Variants in PTPN3 observed in about 807,000 individuals in gnomAD.
PTPN3 encodes the protein protein tyrosine phosphatase non-receptor type 3, also known as tyrosine-protein phosphatase non-receptor type 3.
Under a neutral mutation model 132.7 loss-of-function variants are expected in PTPN3, and 96 were observed. The ratio of observed to expected loss-of-function variants is 0.72; its 90% CI spans 0.61 to 0.86. The LOEUF (loss-of-function observed/expected upper bound fraction) is 0.86, where lower values mean the gene tolerates loss of function less well. PTPN3 is among the 40% of genes least tolerant of loss of function. The probability of loss-of-function intolerance (pLI) is 0.00; values close to 1 mark genes in which losing one functional copy is unlikely to be tolerated. For synonymous variants in PTPN3, 398 were observed against 429.0 expected, an observed-to-expected ratio of 0.93 and a Z score of 0.89; for missense variants, 1,125 against 1,159.6, an observed-to-expected ratio of 0.97 and a Z score of 0.43.
the PTPN3 span, among the ~76,000 whole-genome samples, chr9:109,510,280 T>C: frequency 6.6e-6 from 1 of 151,910 alleles, no homozygotes; most frequent in Non-Finnish European, 1.5e-5. Flanking sequence ...ATGTAACAGC[T>C]GGGCGTGGTG....
At chr9:109,483,350 C>A (rs1371745405) in intron 1 of PTPN3, among the ~76,000 whole-genome samples, 1 of 152,242 alleles carries the variant, frequency 6.6e-6, no homozygotes, top group Admixed American at 6.5e-5. Flanking sequence ...CTTTTGATCA[C>A]AGGCTTTACT....
intron 14 of PTPN3, among the ~76,000 whole-genome samples, chr9:109,418,276 A>G (rs1367708588): frequency 6.6e-6 from 1 of 152,238 alleles, no homozygotes; most frequent in Non-Finnish European, 1.5e-5. Flanking sequence ...ATGACCAGCC[A>G]AGGATGTATA....
intron 9 of PTPN3, among the ~76,000 whole-genome samples, chr9:109,433,916 T>TAAA (rs1170933792): frequency 3.1e-5 from 3 of 98,274 alleles, no homozygotes; most frequent in East Asian, 3.4e-4. Flanking sequence ...AGACTCTGTT[T>TAAA]AAAAAAAAAA....
Position 109,433,079 on chromosome 9 carries a change from T to C in PTPN3, c.758A>G (p.Tyr253Cys). The C allele has an allele frequency of 1.2e-6, 2 of 1,614,092 alleles. No homozygotes were observed. Among genetic ancestry groups the C allele is most frequent in the Non-Finnish European group, 1.7e-6 (2 of 1,179,976 alleles). Residue 253 changes from tyrosine (Y) to cysteine (C), a missense_variant, in exon 10 of 26, where the codon TAT (tyrosine) becomes TGT (cysteine). By Grantham distance (194) the Tyr-to-Cys change is radical. Transcript: ENST00000374541. ...GAGAACTGTTTGCACTTACCAAGGATAGAAACTTGTGCAAATGTATTTTCG... is the reference window on the plus strand; with the variant it reads ...GAGAACTGTTTGCACTTACCAAGGACAGAAACTTGTGCAAATGTATTTTCG... ...VYRKYICTSF[Y>C]PWVNILKISF...
chr9:109,505,614 T>TGG, the PTPN3 span, among the ~76,000 whole-genome samples: 3 of 152,106 alleles, frequency 2.0e-5, no homozygotes, highest in African/African-American at 7.2e-5. Flanking sequence ...TTTTATTAAC[T>TGG]TCTGTCCTAT....
the PTPN3 span, among the ~76,000 whole-genome samples, chr9:109,516,801 A>C: frequency 1.3e-5 from 2 of 152,220 alleles, no homozygotes; most frequent in East Asian, 3.9e-4. Flanking sequence ...GCTGGTGGAA[A>C]ACAAGAGAAG....
intron 1 of PTPN3, among the ~76,000 whole-genome samples, chr9:109,485,170 A>G (rs1847148330): frequency 6.6e-6 from 1 of 152,058 alleles, no homozygotes; most frequent in Admixed American, 6.5e-5. Flanking sequence ...TGGAGGTTGC[A>G]GTGAGCTAGC....
intron 10 of PTPN3, among the ~76,000 whole-genome samples, chr9:109,431,626 A>T (rs919233551): frequency 6.6e-6 from 1 of 152,266 alleles, no homozygotes; most frequent in African/African-American, 2.4e-5. Context: ...TCAGTGTCAA[A>T]TTGAACAGGG....
chr9:109,391,870 TGGG>T (rs367927103), intron 19 of PTPN3, among the ~76,000 whole-genome samples: 2 of 29,454 alleles, frequency 6.8e-5, no homozygotes, highest in Non-Finnish European at 1.1e-4. Flanking sequence ...CAACTAGATG[TGGG>T]GGGGGGGGGG....
chr9:109,512,011 G>A, the PTPN3 span, among the ~76,000 whole-genome samples: 1 of 152,114 alleles, frequency 6.6e-6, no homozygotes, highest in Non-Finnish European at 1.5e-5. Context: ...TTTAAAATAT[G>A]CCCACCTCTG....
At chr9:109,416,856 C>G (rs890482264) in intron 14 of PTPN3, among the ~76,000 whole-genome samples, 7 of 152,204 alleles carry the variant, frequency 4.6e-5, no homozygotes, top group African/African-American at 1.7e-4. Flanking sequence ...CATGAAGCCC[C>G]ATCCACTCGG....
intron 1 of PTPN3, among the ~76,000 whole-genome samples, chr9:109,484,943 T>C (rs765005822): frequency 7.2e-5 from 11 of 152,096 alleles, no homozygotes; most frequent in Non-Finnish European, 1.5e-4. Flanking sequence ...TCAAGAGTCA[T>C]ATAAGGCCAG....
chr9:109,420,032 T>G (rs887624842), intron 14 of PTPN3, among the ~76,000 whole-genome samples: 2 of 152,228 alleles, frequency 1.3e-5, no homozygotes, highest in Non-Finnish European at 2.9e-5. Flanking sequence ...TCCAATGATT[T>G]GAAATCATGT....
chr9:109,457,087 T>C, intron 4 of PTPN3, 86 bp downstream of exon 4: 1 of 1,396,276 alleles, frequency 7.2e-7, no homozygotes, highest in East Asian at 2.3e-5. Flanking sequence ...GTACCAGATG[T>C]CACAGGCACT....
rs1202211070 is a variant in PTPN3, at chr9:109,498,158, CCCCGGCCCCCGGCAGCCCCGCA to C, written c.-18+39_-18+60del. 1 of 146,228 alleles carries C rather than the reference CCCCGGCCCCCGGCAGCCCCGCA, an allele frequency of 6.8e-6. No homozygotes were observed. Among genetic ancestry groups the C allele is most frequent in the East Asian group, 2.0e-4 (1 of 5,092 alleles). 9.1% of individuals were successfully genotyped at this position (146,228 alleles called of 1,614,324 possible). On this transcript the variant is annotated intron_variant, in intron 1 of 25. Transcript: ENST00000374541. This position sits in a 1 kb window ranked among gnomAD's most constrained non-coding sequence, Gnocchi z 4.2. ...GGGGGCGGGGTGGCGCCGAGCGCGA[CCCCGGCCCCCGGCAGCCCCGCA>C]CCCTGCCCCCGGCCCGCTGGGGTCG... is the stretch of plus-strand genomic sequence containing the variant.
At chr9:109,428,844 G>A in intron 10 of PTPN3, 160 bp from the exon 11 acceptor site, 1 of 985,396 alleles carries the variant, frequency 1.0e-6, no homozygotes. Flanking sequence ...CAGCCCCACT[G>A]CCGCAGGCTA....
chr9:109,397,356 C>A (rs372398304), intron 19 of PTPN3, among the ~76,000 whole-genome samples: 13 of 152,322 alleles, frequency 8.5e-5, no homozygotes, highest in African/African-American at 2.4e-4. Flanking sequence ...CTGCTGCTTT[C>A]AAAAATGAGT....
At chr9:109,502,708 AT>A (rs1286842658), upstream of PTPN3, among the ~76,000 whole-genome samples, 1 of 152,166 alleles carries the variant, frequency 6.6e-6, no homozygotes, top group Non-Finnish European at 1.5e-5. Context: ...AGGTGGGAGG[AT>A]CACTTGAGTC....
rs929077858 is a variant in PTPN3 at position 109,410,349 on chromosome 9, T to C, written c.1380A>G (p.Pro460=). The C allele has an allele frequency of 1.9e-6, 3 of 1,614,042 alleles. No homozygotes were observed. The highest frequency in any genetic ancestry group is 2.5e-6 in the Non-Finnish European group (3 of 1,180,030). ...LTQKSSSSVS[P]SSNAPGSCSP... ...AGCAGGAGCCTGGAGCATTTGAAGA[T>C]GGAGACACAGAACTGGATGACTTCT... Residue 460 remains proline, a synonymous_variant, in exon 15 of 26, where the codon CCA becomes CCG. Coordinates refer to ENST00000374541, the MANE Select transcript of PTPN3 (RefSeq NM_002829.4).
Sources: gnomAD v4.1 joint callset for allele counts (sites outside exome capture counted in the v4.1 genomes callset) on GRCh38, gnomAD v4.1.1 for gene constraint, Gnocchi (gnomAD v3.1) non-coding constraint, MANE v1.5 for transcripts, NCBI Gene and HGNC (gene_info 2026-07-23, HGNC 2026-07-21) for gene names.